Variants in CFAP77 observed in about 807,000 individuals in gnomAD.
CFAP77 encodes cilia- and flagella-associated protein 77.
A neutral mutation model predicts 31.1 loss-of-function variants in CFAP77; 25 were observed. That is an observed-to-expected ratio of 0.80 (90% CI 0.59 to 1.12). CFAP77 has a LOEUF of 1.12. Among genes scored for constraint, CFAP77 ranks in the 50% most tolerant of loss-of-function variants. CFAP77 has a pLI of 0.00. For synonymous variants in CFAP77, 151 were observed against 159.9 expected (o/e 0.94, Z 0.42); for missense variants, 377 against 397.3 (o/e 0.95, Z 0.44).
At chr9:132,412,949 C>T (rs1366402106) in intron 1 of CFAP77, among the ~76,000 whole-genome samples, 7 of 152,028 alleles carry the variant, frequency 4.6e-5, no homozygotes, top group South Asian at 2.1e-4. Flanking sequence ...TGTGCCTTTC[C>T]GCTATGTATG....
At chr9:132,438,270 TTGTCTTTATATAACTTAAA>T (rs1850545548) in intron 1 of CFAP77, among the ~76,000 whole-genome samples, 1 of 150,718 alleles carries the variant, frequency 6.6e-6, no homozygotes, top group South Asian at 2.1e-4. Context: ...ATGTATTGCA[TTGTCTTTATATAACTTAAA>T]GTTTGTATAA....
Position 132,542,985 on chromosome 9 carries a change from C to G in CFAP77, c.670C>G (p.Leu224Val). 1 of 1,614,184 alleles carries G rather than the reference C, an allele frequency of 6.2e-7. No homozygotes were observed. Among genetic ancestry groups the G allele is most frequent in the South Asian group, 1.1e-5 (1 of 91,084 alleles). Residue 224 changes from leucine to valine, a missense_variant, in exon 5 of 6, where the codon CTG becomes GTG. Physicochemically the swap from Leu to Val is conservative, Grantham distance 32. Coordinates refer to ENST00000393216, the MANE Select transcript of CFAP77 (RefSeq NM_001282957.2). The part of the protein sequence containing the change: ...GKLYETRSSQ[L>V]RKYKPPVKLD... ...GCTGTATGAGACCCGGAGCAGTCAG[C>G]TGAGGAAGTACAAGCCGCCCGTGAA... is the stretch of plus-strand genomic sequence containing the variant.
chr9:132,550,580 A>C (rs1185178538), intron 5 of CFAP77, among the ~76,000 whole-genome samples: 1 of 138,596 alleles, frequency 7.2e-6, no homozygotes, highest in East Asian at 2.1e-4. Context: ...GCTGGGGTGC[A>C]GTGGTACAAT....
At chr9:132,483,229 C>T in intron 1 of CFAP77, among the ~76,000 whole-genome samples, 1 of 152,048 alleles carries the variant, frequency 6.6e-6, no homozygotes, top group African/African-American at 2.4e-5. Context: ...CAAGATCGCA[C>T]CATTGCACTC....
chr9:132,484,523 C>T (rs569151706), intron 1 of CFAP77, among the ~76,000 whole-genome samples: 48 of 152,308 alleles, frequency 3.2e-4, no homozygotes, highest in African/African-American at 1.1e-3. Flanking sequence ...TTTTCCTTAG[C>T]ATAATGCTTT....
At chr9:132,567,398 G>A (rs377728840) in intron 5 of CFAP77, among the ~76,000 whole-genome samples, 7 of 152,186 alleles carry the variant, frequency 4.6e-5, no homozygotes, top group Non-Finnish European at 7.3e-5. Context: ...AGTAAACGGC[G>A]ACTGCGAAAA....
chr9:132,489,966 A>G (rs536697797), intron 1 of CFAP77, among the ~76,000 whole-genome samples: 1 of 152,304 alleles, frequency 6.6e-6, no homozygotes, highest in Non-Finnish European at 1.5e-5. Context: ...TATAGAAAGA[A>G]TAGAAATTTG....
chr9:132,533,466 G>GCTGCGTCCT (rs879774188), intron 3 of CFAP77, among the ~76,000 whole-genome samples: 2,709 of 152,334 alleles, frequency 0.018, 85 homozygotes, highest in African/African-American at 0.062. Context: ...CAGGGCTCTA[G>GCTGCGTCCT]CCGAGGACGC....
intron 1 of CFAP77, among the ~76,000 whole-genome samples, chr9:132,449,296 G>A (rs1013500867): frequency 6.6e-6 from 1 of 150,870 alleles, no homozygotes; most frequent in African/African-American, 2.5e-5. Flanking sequence ...ACTCCTGGCT[G>A]CACTCACCCT....
chr9:132,486,806 T>G (rs1042676371), intron 1 of CFAP77, among the ~76,000 whole-genome samples: 1 of 152,138 alleles, frequency 6.6e-6, no homozygotes, highest in Non-Finnish European at 1.5e-5. Context: ...AGCGAGATCA[T>G]GTAAATGCAA....
At chr9:132,473,870 A>G (rs1159493935) in intron 1 of CFAP77, among the ~76,000 whole-genome samples, 2 of 152,140 alleles carry the variant, frequency 1.3e-5, no homozygotes, top group Non-Finnish European at 2.9e-5. Flanking sequence ...TTTAGTAGAG[A>G]CAGAGTTTCA....
rs564236173 is a variant in CFAP77 at position 132,552,863 on chromosome 9, G to A, written c.732+9816G>A. ...TTCAAATATGTGTTTACTGTGGCAGGTGGATGTATTTTCATATGTTTGACA... is the reference window on the plus strand; with the variant it reads ...TTCAAATATGTGTTTACTGTGGCAGATGGATGTATTTTCATATGTTTGACA... On this transcript the variant is annotated intron_variant, in intron 5 of 5. Transcript: ENST00000393216. The surrounding 1 kb of genome is among the most constrained non-coding windows in gnomAD (Gnocchi z 5.5). Among the ~76,000 whole-genome samples, 1 of 152,256 alleles carries A rather than the reference G, an allele frequency of 6.6e-6. No homozygotes were observed. The highest frequency in any genetic ancestry group is 6.5e-5 in the Admixed American group (1 of 15,294).
chr9:132,436,348 C>A (rs551157030), intron 1 of CFAP77, among the ~76,000 whole-genome samples: 1 of 152,126 alleles, frequency 6.6e-6, no homozygotes, highest in Non-Finnish European at 1.5e-5. Context: ...GGGCACTTTT[C>A]GTTGAATTTA....
chr9:132,549,354 G>A (rs1852788214), intron 5 of CFAP77, among the ~76,000 whole-genome samples: 1 of 152,186 alleles, frequency 6.6e-6, no homozygotes, highest in Non-Finnish European at 1.5e-5. Flanking sequence ...TCCTTGCATC[G>A]GAATAAGAAT....
At chr9:132,459,722 ATGTATG>A (rs1851009232) in intron 1 of CFAP77, among the ~76,000 whole-genome samples, 1 of 146,142 alleles carries the variant, frequency 6.8e-6, no homozygotes, top group Admixed American at 6.8e-5. Flanking sequence ...GTTTACCTGT[ATGTATG>A]TGTATATGTG....
chr9:132,478,329 T>C (rs1851384816), intron 1 of CFAP77, among the ~76,000 whole-genome samples: 1 of 152,102 alleles, frequency 6.6e-6, no homozygotes, highest in Admixed American at 6.6e-5. Flanking sequence ...CAGCCAAGCC[T>C]CAGCCTCTGC....
At chr9:132,436,046 G>T (rs1850499191) in intron 1 of CFAP77, among the ~76,000 whole-genome samples, 1 of 152,172 alleles carries the variant, frequency 6.6e-6, no homozygotes, top group Non-Finnish European at 1.5e-5. Flanking sequence ...ATGATGGTCT[G>T]GTTATGGACT....
At position 132,497,951 on chromosome 9, in the gene CFAP77, C is replaced by T. The variant is rs190748111; in HGVS notation, c.196-744C>T. Among the ~76,000 whole-genome samples, 44 of 152,264 alleles carry T rather than the reference C, an allele frequency of 2.9e-4. No homozygotes were observed. In the East Asian group the frequency reaches 6.8e-3, roughly 23 times the overall value. Reference sequence around the variant, plus strand: ...TCAAGAGGACAGGCACGCCTCCATGCGATGCCCTGCCCAGCGCTTGGGGGC... The same window carrying T: ...TCAAGAGGACAGGCACGCCTCCATGTGATGCCCTGCCCAGCGCTTGGGGGC... On this transcript the variant is annotated intron_variant, in intron 1 of 5. Coordinates refer to ENST00000393216, the MANE Select transcript of CFAP77 (RefSeq NM_001282957.2). The surrounding 1 kb of genome is among the most constrained non-coding windows in gnomAD (Gnocchi z 4.9).
At chr9:132,523,080 T>C (rs1170502625) in intron 3 of CFAP77, among the ~76,000 whole-genome samples, 1 of 127,868 alleles carries the variant, frequency 7.8e-6, no homozygotes, top group Non-Finnish European at 1.6e-5. Flanking sequence ...TAGGCTTCTT[T>C]CTTCTTTCTT....
Sources: gnomAD v4.1 joint callset for allele counts (sites outside exome capture counted in the v4.1 genomes callset) on GRCh38, gnomAD v4.1.1 for gene constraint, Gnocchi (gnomAD v3.1) non-coding constraint, MANE v1.5 for transcripts, NCBI Gene and HGNC (gene_info 2026-07-23, HGNC 2026-07-21) for gene names.